The following SNTG2 variants were observed in gnomAD, a reference collection of about 807,000 sequenced individuals.
SNTG2 encodes the protein gamma-2-syntrophin.
Under a neutral mutation model 70.9 loss-of-function variants are expected in SNTG2, and 74 were observed. The ratio of observed to expected loss-of-function variants is 1.04; its 90% confidence interval spans 0.86 to 1.27. SNTG2 has a LOEUF of 1.27. Among genes scored for constraint, SNTG2 ranks in the 50% most tolerant of loss-of-function variants. SNTG2 has a pLI of 0.00. For missense variants in SNTG2, 717 were observed against 690.7 expected, an observed-to-expected ratio of 1.04 and a Z score of -0.43; for synonymous variants, 278 against 273.8, an observed-to-expected ratio of 1.02 and a Z score of -0.15.
intron 1 of SNTG2, among the ~76,000 whole-genome samples, chr2:965,364 CCCAA>C: frequency 7.4e-6 from 1 of 135,240 alleles, no homozygotes; most frequent in African/African-American, 3.4e-5. Context: ...CCTCCTGGTC[CCCAA>C]TCCTCCTCCT....
intron 9 of SNTG2, among the ~76,000 whole-genome samples, chr2:1,215,084 C>T (rs1225073221): frequency 6.6e-6 from 1 of 152,070 alleles, no homozygotes; most frequent in East Asian, 1.9e-4. Context: ...GGCATGAATC[C>T]CACTTGATCA....
chr2:1,250,598 G>C (rs542063365), intron 12 of SNTG2, among the ~76,000 whole-genome samples: 1 of 149,862 alleles, frequency 6.7e-6, no homozygotes, highest in South Asian at 2.1e-4. Context: ...GTCTCTCTCT[G>C]TCTGACTCTA....
intron 1 of SNTG2, among the ~76,000 whole-genome samples, chr2:1,057,089 A>G (rs1234781875): frequency 2.6e-5 from 4 of 151,880 alleles, no homozygotes; most frequent in Non-Finnish European, 5.9e-5. Context: ...GGGCTTTCTG[A>G]GCTTGGGAGC....
chr2:1,012,813 G>A (rs369883616), intron 1 of SNTG2, among the ~76,000 whole-genome samples: 1,042 of 37,192 alleles, frequency 0.028, no homozygotes, highest in Admixed American at 0.042. Context: ...ATTTATAAGG[G>A]CAGAGAGAAG....
At chr2:1,357,799 T>C (rs1191974858) in intron 16 of SNTG2, among the ~76,000 whole-genome samples, 1 of 152,066 alleles carries the variant, frequency 6.6e-6, no homozygotes, top group East Asian at 1.9e-4. Context: ...AATTTGTTGG[T>C]ATATAATTGT....
intron 16 of SNTG2, chr2:1,341,683 C>G (rs901165633): frequency 2.0e-4 from 30 of 152,174 alleles, no homozygotes; most frequent in African/African-American, 6.8e-4. Flanking sequence ...TCAAATGAGA[C>G]TCCAGTGAGT....
At chr2:1,115,588 G>T (rs557664931) in intron 4 of SNTG2, among the ~76,000 whole-genome samples, 1 of 145,852 alleles carries the variant, frequency 6.9e-6, no homozygotes, top group East Asian at 2.1e-4. Context: ...AGTGAGGTTT[G>T]TCCCTTACTG....
At chr2:1,115,283 G>C (rs1157054136) in intron 4 of SNTG2, among the ~76,000 whole-genome samples, 1 of 150,812 alleles carries the variant, frequency 6.6e-6, no homozygotes, top group Non-Finnish European at 1.5e-5. Flanking sequence ...GTCCTTTGAG[G>C]AGGATCGTGT....
At chr2:1,124,557 A>G (rs1667588968) in intron 4 of SNTG2, among the ~76,000 whole-genome samples, 1 of 152,070 alleles carries the variant, frequency 6.6e-6, no homozygotes, top group African/African-American at 2.4e-5. Flanking sequence ...TAGCCTCCCA[A>G]AATGCTGGGA....
At chr2:1,258,567 A>T (rs963420431) in intron 12 of SNTG2, among the ~76,000 whole-genome samples, 13 of 152,346 alleles carry the variant, frequency 8.5e-5, no homozygotes, top group South Asian at 6.2e-4. Context: ...CCAATTAATT[A>T]AAGCCAAGAT....
At chr2:1,287,115 T>G (rs1679795742) in intron 14 of SNTG2, among the ~76,000 whole-genome samples, 1 of 151,398 alleles carries the variant, frequency 6.6e-6, no homozygotes, top group Non-Finnish European at 1.5e-5. Flanking sequence ...GCTCACTCTG[T>G]GCTTTTCCCG....
chr2:1,044,066 G>T (rs7575149), intron 1 of SNTG2, among the ~76,000 whole-genome samples: 128,546 of 152,098 alleles, frequency 0.85, 54,736 homozygotes, highest in Middle Eastern at 0.9. Flanking sequence ...TATTTGTTTG[G>T]GTCATCTCTC....
At chr2:1,218,279 G>A (rs138322752) in intron 9 of SNTG2, among the ~76,000 whole-genome samples, 58 of 152,268 alleles carry the variant, frequency 3.8e-4, no homozygotes, top group African/African-American at 1.3e-3. Flanking sequence ...GAGTTGAGAC[G>A]TTGATTGCAT....
chr2:993,153 C>T (rs1474384789), intron 1 of SNTG2, among the ~76,000 whole-genome samples: 6 of 149,792 alleles, frequency 4.0e-5, no homozygotes, highest in Non-Finnish European at 7.4e-5. Flanking sequence ...TATACATGTG[C>T]CATGCTGGTG....
chr2:950,927 G>C lies in SNTG2; in HGVS notation c.-70G>C, dbSNP rs1659931577. ...GGACGCGGCGCCTGGCGGGGCCCTG[G>C]GAGGCTCGGACGGGGTCCTGGCGTT... is the stretch of plus-strand genomic sequence containing the variant. On this transcript the variant is annotated 5_prime_UTR_variant, in exon 1 of 17. Transcript: ENST00000308624. 12 of 797,334 alleles carry C rather than the reference G, an allele frequency of 1.5e-5. No individual in the cohort carries two copies. The highest frequency in any genetic ancestry group is 1.8e-5 in the Non-Finnish European group (11 of 607,048). 49.4% of individuals were successfully genotyped at this position (797,334 alleles called of 1,614,324 possible).
intron 1 of SNTG2, among the ~76,000 whole-genome samples, chr2:978,987 G>A (rs1281330992): frequency 2.0e-5 from 3 of 152,226 alleles, no homozygotes; most frequent in Non-Finnish European, 2.9e-5. Flanking sequence ...GGCTCCCTGC[G>A]TTGAGGATTG....
chr2:1,220,770 A>T (rs954266890), intron 9 of SNTG2, among the ~76,000 whole-genome samples: 1 of 152,198 alleles, frequency 6.6e-6, no homozygotes, highest in East Asian at 1.9e-4. Context: ...TAAGATCTGG[A>T]GGTCCTTAAG....
At chr2:1,175,797 A>G (rs919905319) in intron 8 of SNTG2, among the ~76,000 whole-genome samples, 9 of 152,300 alleles carry the variant, frequency 5.9e-5, no homozygotes, top group Non-Finnish European at 1.0e-4. Context: ...AGTGGACTCT[A>G]AACTCTTCCT....
In SNTG2 at chr2:1,267,045, A is replaced by G. The variant is rs532481715; in HGVS notation, c.1078-320A>G. On this transcript the variant is annotated intron_variant, in intron 13 of 16. Transcript: ENST00000308624. ...CTTAGTCTCCCAAAGTGCTGGGATTACAGGCGTGAGCCACCACACCCAGCT... is the reference window on the plus strand; with the variant it reads ...CTTAGTCTCCCAAAGTGCTGGGATTGCAGGCGTGAGCCACCACACCCAGCT... 3.3e-5 allele frequency among the ~76,000 whole-genome samples: 5 copies of G among 152,336 alleles called. No individual in the cohort carries two copies. In the East Asian group the frequency reaches 9.7e-4, roughly 29 times the overall value.
Sources: gnomAD v4.1 joint callset for allele counts (sites outside exome capture counted in the v4.1 genomes callset) on GRCh38, gnomAD v4.1.1 for gene constraint, MANE v1.5 for transcripts, NCBI Gene and HGNC (gene_info 2026-07-23, HGNC 2026-07-21) for gene names.